DNA2: variants seen among roughly 807,000 people sequenced by gnomAD.
DNA2 encodes DNA replication ATP-dependent helicase/nuclease DNA2.
A neutral mutation model predicts 119.1 loss-of-function variants in DNA2; 101 were observed. That is an observed-to-expected ratio of 0.85 (90% CI 0.72 to 1.00). DNA2 has a LOEUF of 1.00. DNA2 is among the 50% of genes least tolerant of loss of function. The pLI is 0.00. For missense variants in DNA2, 1,121 were observed against 1,255.5 expected, an observed-to-expected ratio of 0.89 and a Z score of 1.62; for synonymous variants, 366 against 424.4, an observed-to-expected ratio of 0.86 and a Z score of 1.69.
At chr10:68,431,399 C>G (rs1250914542) in intron 13 of DNA2, among the ~76,000 whole-genome samples, 1 of 152,018 alleles carries the variant, frequency 6.6e-6, no homozygotes, top group African/African-American at 2.4e-5. Flanking sequence ...TCTCCTGCCT[C>G]AGCCTCCCGA....
chr10:68,468,426 A>T, intron 2 of DNA2, 120 bp from the exon 3 acceptor site: 1 of 686,074 alleles, frequency 1.5e-6, no homozygotes, highest in Non-Finnish European at 2.1e-6. Context: ...AAATATTTCT[A>T]AATTTCTGGG....
intron 9 of DNA2, among the ~76,000 whole-genome samples, chr10:68,441,025 T>C (rs571801519): frequency 1.4e-4 from 22 of 151,804 alleles, no homozygotes; most frequent in Non-Finnish European, 2.9e-5. Context: ...TATAATCACG[T>C]AAAATAAAAT....
intron 6 of DNA2, among the ~76,000 whole-genome samples, chr10:68,449,192 T>C (rs763730526): frequency 3.3e-5 from 5 of 152,200 alleles, no homozygotes; most frequent in African/African-American, 4.8e-5. Context: ...TTCAGTCTCA[T>C]ATACACAAAA....
rs2051835198 is a variant in DNA2 at position 68,432,411 on chromosome 10, C to T, written c.1746G>A (p.Met582Ile). ...TTACAAACCTGACAAACGTGTTTTC[C>T]ATCAATTTGGAAAGATTTCCTAATG... is the stretch of plus-strand genomic sequence containing the variant. The part of the protein sequence containing the change: ...DTPLGNLSKL[M>I]ENTFVSKKLR... Residue 582 changes from methionine (M) to isoleucine (I), a missense_variant, in exon 11 of 21, where the codon ATG becomes ATA. Physicochemically the swap from Met to Ile is conservative, Grantham distance 10. Transcript: ENST00000358410. The T allele has an allele frequency of 6.3e-7, 1 of 1,596,272 alleles. No individual in the cohort carries two copies. Among genetic ancestry groups the T allele is most frequent in the Non-Finnish European group, 8.6e-7 (1 of 1,169,158 alleles).
At chr10:68,428,662 C>T (rs958860385) in intron 14 of DNA2, among the ~76,000 whole-genome samples, 3 of 152,162 alleles carry the variant, frequency 2.0e-5, no homozygotes, top group South Asian at 2.1e-4. Flanking sequence ...ACTATTAATA[C>T]GTACAACTAT....
Position 68,469,832 on chromosome 10 carries a change from G to T in DNA2, c.257+149C>A, listed in dbSNP as rs183847533. 1.5e-5 allele frequency: 11 copies of T among 724,570 alleles called. No individual in the cohort carries two copies. In the South Asian group the frequency reaches 2.4e-4, roughly 16 times the overall value. 44.9% of individuals were successfully genotyped at this position (724,570 alleles called of 1,614,324 possible). On this transcript the variant is annotated intron_variant, in intron 2 of 20. Coordinates refer to ENST00000358410, the MANE Select transcript of DNA2 (RefSeq NM_001080449.3). Reference sequence around the variant, plus strand: ...TGAGACTTGAGATACAGGAGTAATAGATACAATTTTCATGCAGAATTAGGC... The same window carrying T: ...TGAGACTTGAGATACAGGAGTAATATATACAATTTTCATGCAGAATTAGGC...
rs1476216971 is a variant in DNA2 at position 68,431,844 on chromosome 10, G to A, written c.1983+18C>T. ...GATACAAATATTTTGTCTCTAAGCA[G>A]AAGAATAATAACCTTACGAGAGTAC... On this transcript the variant is annotated intron_variant, in intron 13 of 20. Transcript: ENST00000358410. The A allele has an allele frequency of 6.5e-7, 1 of 1,539,742 alleles. No individual in the cohort carries two copies. The highest frequency in any genetic ancestry group is 1.8e-5 in the Admixed American group (1 of 56,676).
intron 5 of DNA2, among the ~76,000 whole-genome samples, chr10:68,451,103 A>AG (rs2052111844): frequency 6.6e-6 from 1 of 151,332 alleles, no homozygotes; most frequent in African/African-American, 2.4e-5. Context: ...GTCTAAAAAA[A>AG]AAAAAAAAAA....
intron 14 of DNA2, among the ~76,000 whole-genome samples, chr10:68,427,232 C>T (rs1203158856): frequency 1.3e-5 from 2 of 151,890 alleles, no homozygotes; most frequent in African/African-American, 4.8e-5. Context: ...GTGGCGCATG[C>T]CTGTAATCCC....
chr10:68,437,374 G>A (rs568600448), intron 9 of DNA2, 133 bp from the exon 10 acceptor site: 13 of 766,040 alleles, frequency 1.7e-5, no homozygotes, highest in Admixed American at 1.2e-4. Context: ...GGTGGCTCAC[G>A]CCTGTAATCC....
chr10:68,427,598 G>A (rs1433275884), intron 14 of DNA2, among the ~76,000 whole-genome samples: 4 of 151,252 alleles, frequency 2.6e-5, no homozygotes, highest in African/African-American at 4.9e-5. Context: ...GCAGTGAGGC[G>A]TGGTCTCACC....
intron 5 of DNA2, among the ~76,000 whole-genome samples, chr10:68,457,014 G>A (rs926521889): frequency 5.3e-5 from 8 of 151,714 alleles, no homozygotes; most frequent in South Asian, 2.1e-4. Flanking sequence ...GGCACCTGTA[G>A]TCCCAGCTAC....
intron 2 of DNA2, 90 bp from the exon 3 acceptor site, chr10:68,468,396 A>T: frequency 1.2e-6 from 1 of 827,144 alleles, no homozygotes; most frequent in Non-Finnish European, 1.7e-6. Flanking sequence ...ATAAATGAGT[A>T]TTTTATCTGA....
Position 68,430,536 on chromosome 10 carries a change from T to C in DNA2, c.2108A>G (p.Gln703Arg). 6.2e-7 allele frequency: 1 copy of C among 1,611,626 alleles called. No homozygotes were observed. ...TTGCTGGATAGCTGGATGAACCTTC[T>C]GAATCTGACCCAAACGCAAAAATCC... ...KIGFLRLGQI[Q>R]KVHPAIQQFT... Residue 703 changes from glutamine (Q) to arginine (R), a missense_variant, in exon 14 of 21, where the codon CAG becomes CGG. Gln to Arg is a conservative substitution (Grantham distance 43). Transcript: ENST00000358410.
intron 20 of DNA2, among the ~76,000 whole-genome samples, chr10:68,416,150 G>A (rs1471320154): frequency 6.6e-6 from 1 of 152,116 alleles, no homozygotes; most frequent in Non-Finnish European, 1.5e-5. Flanking sequence ...ACTCCAGCCT[G>A]AGTGAAGTTA....
chr10:68,432,553 CAT>C (rs1323583620), intron 10 of DNA2, 43 bp from the exon 11 acceptor site: 5 of 1,095,070 alleles, frequency 4.6e-6, no homozygotes, highest in Admixed American at 2.3e-5. Context: ...CGCCATTTCG[CAT>C]AGTCTGTATA....
chr10:68,447,701 A>T (rs1458763770), intron 6 of DNA2, among the ~76,000 whole-genome samples: 1 of 151,204 alleles, frequency 6.6e-6, no homozygotes, highest in Admixed American at 6.6e-5. Context: ...TAAAAAAAAA[A>T]GGCCGGGCGC....
chr10:68,454,186 A>G (rs2052155305), intron 5 of DNA2, among the ~76,000 whole-genome samples: 1 of 152,084 alleles, frequency 6.6e-6, no homozygotes, highest in Non-Finnish European at 1.5e-5. Flanking sequence ...TATTATTTTC[A>G]TCTACCACCA....
At chr10:68,462,348 G>A (rs1168897053) in intron 4 of DNA2, among the ~76,000 whole-genome samples, 16 of 152,210 alleles carry the variant, frequency 1.1e-4, no homozygotes. Flanking sequence ...TCCAGCCTGG[G>A]TGACAGAGCA....
Sources: allele counts gnomAD v4.1 joint callset (sites outside exome capture counted in the v4.1 genomes callset), GRCh38; gene constraint gnomAD v4.1.1; transcripts MANE v1.5; gene names NCBI Gene and HGNC (gene_info 2026-07-23, HGNC 2026-07-21).